The following CLGN variants were observed in gnomAD, a reference collection of about 807,000 sequenced individuals.
The protein encoded by CLGN is calmegin.
Under a neutral mutation model 79.1 loss-of-function variants are expected in CLGN, and 62 were observed. The ratio of observed to expected loss-of-function variants is 0.78; its 90% CI spans 0.64 to 0.97. The LOEUF is 0.97. Ranked by LOEUF, CLGN falls within the 50% of genes least tolerant of loss-of-function variation. The probability of loss-of-function intolerance (pLI) is 0.00; values close to 1 mark genes in which losing one functional copy is unlikely to be tolerated. For synonymous variants in CLGN, 225 were observed against 224.7 expected, an observed-to-expected ratio of 1.00 and a Z score of -0.01; for missense variants, 647 against 715.5, an observed-to-expected ratio of 0.90 and a Z score of 1.09.
rs187787158 is a variant in CLGN at position 140,391,621 on chromosome 4, G to A, written c.1651+598C>T. On this transcript the variant is annotated intron_variant, in intron 13 of 14. Coordinates refer to ENST00000325617, the MANE Select transcript of CLGN (RefSeq NM_004362.3). Reference sequence around the variant, plus strand: ...TCAAGACATTTGGCTTGGGACACTGGGCAAATCAATAGTTTTATTTCTACC... The same window carrying A: ...TCAAGACATTTGGCTTGGGACACTGAGCAAATCAATAGTTTTATTTCTACC... 1.6e-3 allele frequency among the ~76,000 whole-genome samples: 248 copies of A among 151,870 alleles called. 1 individual carries two copies. Among genetic ancestry groups the A allele is most frequent in the African/African-American group, 5.8e-3 (239 of 41,504 alleles).
chr4:140,400,648 A>T, intron 6 of CLGN, 99 bp from the exon 7 acceptor site: 1 of 693,542 alleles, frequency 1.4e-6, no homozygotes, highest in Non-Finnish European at 2.3e-6. Flanking sequence ...AAAATATATT[A>T]AATGGTAATT....
At chr4:140,392,997 G>C (rs576184314) in intron 11 of CLGN, among the ~76,000 whole-genome samples, 1 of 152,104 alleles carries the variant, frequency 6.6e-6, no homozygotes, top group African/African-American at 2.4e-5. Context: ...GTAAATTTCA[G>C]AATAGAACTA....
chr4:140,417,912 G>C (rs2126632624), intron 1 of CLGN, among the ~76,000 whole-genome samples: 1 of 152,124 alleles, frequency 6.6e-6, no homozygotes, highest in East Asian at 1.9e-4. Context: ...TAAGCCAAAA[G>C]AATAAAGCTG....
In CLGN at chr4:140,402,056, T is replaced by G; in HGVS notation, c.430A>C (p.Asn144His). Residue 144 changes from asparagine (N) to histidine (H), a missense_variant, in exon 6 of 15, where the codon AAT becomes CAT. Transcript: ENST00000325617. Reference protein sequence around the residue: ...DKPLIVQYEVNFQDGIDCGGA... With the variant: ...DKPLIVQYEVHFQDGIDCGGA... ...CCACAATCAATACCATCTTGAAAAT[T>G]TACTTCATATCTGAATAAAGGGAAA... is the stretch of plus-strand genomic sequence containing the variant. 4 of 1,561,638 alleles carry G rather than the reference T, an allele frequency of 2.6e-6. No individual in the cohort carries two copies. Among genetic ancestry groups the G allele is most frequent in the Non-Finnish European group, 3.5e-6 (4 of 1,144,358 alleles).
At chr4:140,422,791 A>G (rs1251850798) in intron 1 of CLGN, among the ~76,000 whole-genome samples, 2 of 151,670 alleles carry the variant, frequency 1.3e-5, no homozygotes, top group Non-Finnish European at 2.9e-5. Context: ...AATGTTCTGT[A>G]TTTTTCTGTA....
chr4:140,409,042 C>A (rs191553077), intron 4 of CLGN, among the ~76,000 whole-genome samples: 5 of 151,918 alleles, frequency 3.3e-5, no homozygotes, highest in Admixed American at 2.6e-4. Context: ...TTACACTAAA[C>A]AGAAACTATG....
Position 140,393,892 on chromosome 4 carries a change from C to A in CLGN, c.1299G>T (p.Lys433Asn), listed in dbSNP as rs763692996. 2 of 1,613,720 alleles carry A rather than the reference C, an allele frequency of 1.2e-6. No individual in the cohort carries two copies. Among genetic ancestry groups the A allele is most frequent in the South Asian group, 2.2e-5 (2 of 91,064 alleles). The change falls in exon 11 of 15, where the codon AAG (lysine) becomes AAT (asparagine). Residue 433 changes from lysine (K) to asparagine (N), a missense_variant. By Grantham distance (94) the Lys-to-Asn change is moderately conservative. Coordinates refer to ENST00000325617, the MANE Select transcript of CLGN (RefSeq NM_004362.3). ...CTGCAGCCCAGTGATCTGCTACTTC[C>A]TTTTCCGAACAGATAATAAAATTAT... ...YFDNFIICSE[K>N]EVADHWAADG...
rs1217577246 is a variant in CLGN at position 140,392,347 on chromosome 4, G to GT, written c.1522dup (p.Thr508AsnfsTer37). 17 of 1,607,180 alleles carry GT rather than the reference G, an allele frequency of 1.1e-5. No homozygotes were observed. The highest frequency in any genetic ancestry group is 1.4e-5 in the Non-Finnish European group (17 of 1,177,534). On this transcript the variant is annotated frameshift_variant, in exon 13 of 15. Transcript: ENST00000325617. LOFTEE classifies it high-confidence loss of function. ...TTTTGTTTGTGGTATACATATGTCG[G>GT]TTTTTTTATACTCTGTATCTTTATG...
At chr4:140,414,081 C>G (rs1235191497) in intron 1 of CLGN, among the ~76,000 whole-genome samples, 1 of 152,234 alleles carries the variant, frequency 6.6e-6, no homozygotes, top group East Asian at 1.9e-4. Flanking sequence ...CACCCCCCAG[C>G]AGGGGCACAC....
At chr4:140,419,775 C>G (rs1729427470) in intron 1 of CLGN, among the ~76,000 whole-genome samples, 1 of 152,062 alleles carries the variant, frequency 6.6e-6, no homozygotes, top group Non-Finnish European at 1.5e-5. Flanking sequence ...AGGATTTGAT[C>G]TCTCTAAATC....
chr4:140,397,458 GTT>G (rs35231826), intron 8 of CLGN, among the ~76,000 whole-genome samples: 12 of 142,386 alleles, frequency 8.4e-5, no homozygotes, highest in African/African-American at 2.3e-4. Flanking sequence ...GTTTAGGGAG[GTT>G]TTTTTTTTTG....
intron 10 of CLGN, among the ~76,000 whole-genome samples, chr4:140,395,099 C>T (rs1353319357): frequency 6.6e-6 from 1 of 151,730 alleles, no homozygotes; most frequent in Non-Finnish European, 1.5e-5. Flanking sequence ...ATCGCCTGAG[C>T]CCAGGAGGCA....
chr4:140,418,206 A>G (rs946739056), intron 1 of CLGN, among the ~76,000 whole-genome samples: 32 of 152,274 alleles, frequency 2.1e-4, no homozygotes, highest in African/African-American at 7.0e-4. Flanking sequence ...TTAATTCAAG[A>G]TGGATTAAAG....
chr4:140,400,821 G>A (rs1728986775), intron 6 of CLGN, among the ~76,000 whole-genome samples: 1 of 152,046 alleles, frequency 6.6e-6, no homozygotes, highest in Non-Finnish European at 1.5e-5. Context: ...AACTCTCTAT[G>A]TAAATCTATA....
chr4:140,424,649 C>T (rs896210525), intron 1 of CLGN, among the ~76,000 whole-genome samples: 13 of 152,254 alleles, frequency 8.5e-5, no homozygotes, highest in African/African-American at 3.1e-4. Context: ...TCACCCTCTT[C>T]CCTCCTTATA....
intron 4 of CLGN, among the ~76,000 whole-genome samples, chr4:140,408,421 AC>A (rs1729147536): frequency 6.6e-6 from 1 of 152,134 alleles, no homozygotes; most frequent in South Asian, 2.1e-4. Flanking sequence ...AATATTAATA[AC>A]CTATGAATCT....
In CLGN at chr4:140,416,543, A is replaced by C. The variant is rs1314941683; in HGVS notation, c.-9-3456T>G. Among the ~76,000 whole-genome samples, 11 of 152,170 alleles carry C rather than the reference A, an allele frequency of 7.2e-5. No individual in the cohort carries two copies. The East Asian group carries it at 2.1e-3, about 29-fold the overall frequency. On this transcript the variant is annotated intron_variant, in intron 1 of 14. Coordinates refer to ENST00000325617, the MANE Select transcript of CLGN (RefSeq NM_004362.3). ...ATATCACCACTGATCCCACAAATAC[A>C]AACTACCATCAGAGAATACTACAAA...
chr4:140,395,716 A>T, intron 10 of CLGN, 103 bp downstream of exon 10: 1 of 986,326 alleles, frequency 1.0e-6, no homozygotes, highest in Non-Finnish European at 1.4e-6. Flanking sequence ...TCTTAAAATT[A>T]AAAATGAAAC....
chr4:140,418,474 A>G (rs1368099134), intron 1 of CLGN, among the ~76,000 whole-genome samples: 1 of 147,434 alleles, frequency 6.8e-6, no homozygotes. Context: ...GCTAATATCC[A>G]GAATCTACAA....
Sources: allele counts gnomAD v4.1 joint callset (sites outside exome capture counted in the v4.1 genomes callset), GRCh38; gene constraint gnomAD v4.1.1; transcripts MANE v1.5; gene names NCBI Gene and HGNC (gene_info 2026-07-23, HGNC 2026-07-21).